The following GRIK4 variants were observed in gnomAD, a reference collection of about 807,000 sequenced individuals.
GRIK4 encodes the protein glutamate ionotropic receptor kainate type subunit 4, also known as glutamate receptor ionotropic, kainate 4.
GRIK4 carries 40 observed loss-of-function variants against 104.9 expected under a neutral mutation model. The ratio of observed to expected loss-of-function variants is 0.38; its 90% CI spans 0.30 to 0.50. The LOEUF (loss-of-function observed/expected upper bound fraction) is 0.50. GRIK4 is among the 20% of genes least tolerant of loss of function. The probability of loss-of-function intolerance (pLI) is 0.93; values close to 1 mark genes in which losing one functional copy is unlikely to be tolerated. For synonymous variants in GRIK4, 485 were observed against 524.9 expected, an observed-to-expected ratio of 0.92 and a Z score of 1.04; for missense variants, 1,047 against 1,308.1, an observed-to-expected ratio of 0.80 and a Z score of 3.08.
At position 120,985,987 on chromosome 11, in the gene GRIK4, C is replaced by T. The variant is rs1346343089; in HGVS notation, c.2598C>T (p.Ala866=). The T allele has an allele frequency of 5.2e-6, 8 of 1,532,856 alleles. 1 individual carries two copies. Among genetic ancestry groups the T allele is most frequent in the East Asian group, 5.2e-5 (2 of 38,774 alleles). The allele number at this position is 1,532,856 out of a possible 1,614,324, so 95.0% of individuals were successfully genotyped here. The part of the protein sequence containing the change: ...QDSIHPRRRR[A]AVPPPRPPIP... ...GTATCCACCCCCGCCGGCGGCGCGC[C>T]GCAGTCCCGCCGCCCCGGCCCCCCA... Residue 866 remains alanine, a synonymous_variant, in exon 21 of 21, where the codon GCC becomes GCT. Transcript: ENST00000527524.
At chr11:120,771,057 A>G (rs1471573386) in intron 3 of GRIK4, among the ~76,000 whole-genome samples, 2 of 152,230 alleles carry the variant, frequency 1.3e-5, no homozygotes, top group South Asian at 2.1e-4. Context: ...TGTGGAGTCA[A>G]CTTTGGAACT....
At chr11:120,904,955 T>G (rs1248445252) in intron 12 of GRIK4, among the ~76,000 whole-genome samples, 5 of 152,190 alleles carry the variant, frequency 3.3e-5, no homozygotes. Context: ...CAGCCATTGG[T>G]CTGCCTGGAA....
chr11:120,816,226 G>A (rs762529517), intron 5 of GRIK4, among the ~76,000 whole-genome samples: 7 of 152,142 alleles, frequency 4.6e-5, no homozygotes, highest in Non-Finnish European at 8.8e-5. Context: ...CAGAGATTCT[G>A]TCTAGTCCTG....
At chr11:120,765,090 C>T (rs952916471) in intron 3 of GRIK4, among the ~76,000 whole-genome samples, 4 of 152,082 alleles carry the variant, frequency 2.6e-5, no homozygotes, top group African/African-American at 9.7e-5. Flanking sequence ...CTTTCAGGTA[C>T]ACCAATCAAA....
intron 4 of GRIK4, among the ~76,000 whole-genome samples, chr11:120,812,451 A>C (rs1340641728): frequency 6.6e-6 from 1 of 152,236 alleles, no homozygotes; most frequent in Non-Finnish European, 1.5e-5. Context: ...AAGTGTGGAG[A>C]TCCAACCAGA....
chr11:120,637,922 C>G (rs548980627), intron 1 of GRIK4, among the ~76,000 whole-genome samples: 23 of 152,180 alleles, frequency 1.5e-4, no homozygotes, highest in Admixed American at 7.8e-4. Context: ...CTCTGTCATC[C>G]AGGCTGGAGT....
chr11:120,935,204 A>T (rs1943570447), intron 13 of GRIK4, among the ~76,000 whole-genome samples: 1 of 152,190 alleles, frequency 6.6e-6, no homozygotes, highest in Non-Finnish European at 1.5e-5. Flanking sequence ...ACAGTTGAGG[A>T]CACTATTCCA....
chr11:120,838,810 A>G (rs919366213), intron 8 of GRIK4, among the ~76,000 whole-genome samples: 2 of 152,028 alleles, frequency 1.3e-5, no homozygotes, highest in African/African-American at 4.8e-5. Context: ...TTTGAGACAG[A>G]ATCTCGCTCT....
Position 120,654,848 on chromosome 11 carries a change from C to A in GRIK4, c.-51+1056C>A, listed in dbSNP as rs1949678265. 2.0e-5 allele frequency among the ~76,000 whole-genome samples: 3 copies of A among 152,080 alleles called. No homozygotes were observed. The South Asian group carries it at 6.2e-4, about 32-fold the overall frequency. ...TACATGGCAGTGTAGGACTCAGCCC[C>A]ATGTTCTTACCTGTGGCAGCCAGAC... On this transcript the variant is annotated intron_variant, in intron 2 of 20. Transcript: ENST00000527524.
At chr11:120,894,307 G>A (rs982385011) in intron 11 of GRIK4, 2 of 152,130 alleles carry the variant, frequency 1.3e-5, no homozygotes, top group South Asian at 2.1e-4. Context: ...AGAGGGATTC[G>A]GTAACTTACC....
chr11:120,842,696 T>G (rs1203604847), intron 8 of GRIK4, among the ~76,000 whole-genome samples: 1 of 152,254 alleles, frequency 6.6e-6, no homozygotes, highest in African/African-American at 2.4e-5. Context: ...CAGTTATAGA[T>G]GCACTGTGCT....
chr11:120,874,146 C>G lies in GRIK4; in HGVS notation c.987C>G (p.Gly329=). The G allele has an allele frequency of 1.2e-6, 2 of 1,613,898 alleles. No homozygotes were observed. The highest frequency in any genetic ancestry group is 2.2e-5 in the South Asian group (2 of 91,076). The change falls in exon 10 of 21, where the codon GGC becomes GGG. Residue 329 remains glycine, a synonymous_variant. Coordinates refer to ENST00000527524, the MANE Select transcript of GRIK4 (RefSeq NM_014619.5). ...VQELNRSQEI[G]VKPLSCGSAQ... ...AACTGAACCGGAGCCAAGAGATCGG[C>G]GTGAAGCCCTTGTCCTGCGGCTCGG...
chr11:120,767,929 A>G (rs1217479077), intron 3 of GRIK4, among the ~76,000 whole-genome samples: 1 of 151,854 alleles, frequency 6.6e-6, no homozygotes, highest in Non-Finnish European at 1.5e-5. Flanking sequence ...AGCCAGTACC[A>G]TACTGTTTTG....
chr11:120,694,510 T>G (rs1318205416), intron 3 of GRIK4, among the ~76,000 whole-genome samples: 1 of 152,158 alleles, frequency 6.6e-6, no homozygotes, highest in African/African-American at 2.4e-5. Flanking sequence ...GAGGTTGAGC[T>G]CTGTTTCCCC....
intron 3 of GRIK4, among the ~76,000 whole-genome samples, chr11:120,742,071 C>T (rs1455816686): frequency 6.6e-6 from 1 of 152,158 alleles, no homozygotes; most frequent in Non-Finnish European, 1.5e-5. Context: ...ATAGTCCGGG[C>T]ATGGTGGCTC....
At chr11:120,911,488 C>T (rs1387143590) in intron 13 of GRIK4, among the ~76,000 whole-genome samples, 7 of 147,290 alleles carry the variant, frequency 4.8e-5, no homozygotes, top group East Asian at 2.1e-4. Context: ...CCGCCCGTCT[C>T]GGCCTCCCAA....
chr11:120,665,909 A>G (rs1202581036), intron 3 of GRIK4, among the ~76,000 whole-genome samples: 1 of 152,142 alleles, frequency 6.6e-6, no homozygotes, highest in Admixed American at 6.5e-5. Context: ...CTTGGTCTTC[A>G]GGAGCCAAGG....
chr11:120,888,190 G>T lies in GRIK4; in HGVS notation c.1165-10342G>T, dbSNP rs563116057. ...CAAATGCCAATGGATAAAGGATAAG[G>T]ATTCGAATGTTTACTAAATGTTTAA... On this transcript the variant is annotated intron_variant, in intron 11 of 20. Coordinates refer to ENST00000527524, the MANE Select transcript of GRIK4 (RefSeq NM_014619.5). Among the ~76,000 whole-genome samples, 4 of 152,278 alleles carry T rather than the reference G, an allele frequency of 2.6e-5. 1 individual carries two copies. The highest frequency in any genetic ancestry group is 2.6e-4 in the Admixed American group (4 of 15,292).
chr11:120,734,637 T>C (rs1285358628), intron 3 of GRIK4, among the ~76,000 whole-genome samples: 1 of 152,204 alleles, frequency 6.6e-6, no homozygotes, highest in Non-Finnish European at 1.5e-5. Flanking sequence ...TTTCTACCCC[T>C]GTCTATTTCT....
Sources: gnomAD v4.1 joint callset for allele counts (sites outside exome capture counted in the v4.1 genomes callset) on GRCh38, gnomAD v4.1.1 for gene constraint, MANE v1.5 for transcripts, NCBI Gene and HGNC (gene_info 2026-07-23, HGNC 2026-07-21) for gene names.